Variants in RFTN1 observed in about 807,000 individuals in gnomAD.
RFTN1 encodes the protein raftlin.
In RFTN1, 26 loss-of-function variants were observed where a neutral mutation model predicts 46.5. The observed-to-expected ratio is 0.56, with a 90% CI of 0.41 to 0.78. The LOEUF is 0.78. Among genes scored for constraint, RFTN1 ranks in the 30% least tolerant of loss-of-function variants. The pLI is 0.00. For missense variants in RFTN1, 693 were observed against 718.7 expected, an observed-to-expected ratio of 0.96 and a Z score of 0.41; for synonymous variants, 261 against 284.2, an observed-to-expected ratio of 0.92 and a Z score of 0.82.
Position 16,326,871 on chromosome 3 carries a change from G to C in RFTN1, c.1152C>G (p.Val384=). Residue 384 remains valine (V), a synonymous_variant, in exon 8 of 10, where the codon GTC becomes GTG. Transcript: ENST00000334133. Reference sequence around the variant, plus strand: ...GGGGCACGTAGTCTGTCTGCACTTCGACACCCTGGGGGAACAAGGCCAGCA... The same window carrying C: ...GGGGCACGTAGTCTGTCTGCACTTCCACACCCTGGGGGAACAAGGCCAGCA... ...VVEQWTVLEG[V]EVQTDYVPLL... is the part of the protein sequence containing the mutation. 3 of 1,613,100 alleles carry C rather than the reference G, an allele frequency of 1.9e-6. No homozygotes were observed. The highest frequency in any genetic ancestry group is 2.5e-6 in the Non-Finnish European group (3 of 1,179,632).
At chr3:16,502,247 G>A (rs1474974744) in intron 1 of RFTN1, among the ~76,000 whole-genome samples, 4 of 152,056 alleles carry the variant, frequency 2.6e-5, no homozygotes, top group African/African-American at 9.7e-5. Flanking sequence ...GCAGGTCCCA[G>A]CTACTCGGGA....
At chr3:16,488,669 C>G (rs906378958) in intron 2 of RFTN1, among the ~76,000 whole-genome samples, 12 of 152,242 alleles carry the variant, frequency 7.9e-5, no homozygotes, top group Admixed American at 7.9e-4. Flanking sequence ...ATCTTGCAGT[C>G]TGGCATCACA....
chr3:16,452,546 C>T lies in RFTN1; in HGVS notation c.146-18509G>A, dbSNP rs907198388. 6.6e-6 allele frequency among the ~76,000 whole-genome samples: 1 copy of T among 152,208 alleles called. No individual in the cohort carries two copies. Among genetic ancestry groups the T allele is most frequent in the Non-Finnish European group, 1.5e-5 (1 of 68,028 alleles). ...TGAACGTTTGTTTTCAATGAATTCACTGTGAAAACACAATCAGTTTTGTGT... is the reference window on the plus strand; with the variant it reads ...TGAACGTTTGTTTTCAATGAATTCATTGTGAAAACACAATCAGTTTTGTGT... On this transcript the variant is annotated intron_variant, in intron 2 of 9. Coordinates refer to ENST00000334133, the MANE Select transcript of RFTN1 (RefSeq NM_015150.2). This position sits in a 1 kb window ranked among gnomAD's most constrained non-coding sequence, Gnocchi z 6.3.
In RFTN1 at chr3:16,449,640, C is replaced by G. The variant is rs2075791546; in HGVS notation, c.146-15603G>C. On this transcript the variant is annotated intron_variant, in intron 2 of 9. Coordinates refer to ENST00000334133, the MANE Select transcript of RFTN1 (RefSeq NM_015150.2). This position sits in a 1 kb window ranked among gnomAD's most constrained non-coding sequence, Gnocchi z 5.1. ...CATGTCCACGAGTTGATCCTTAAGT[C>G]TCGGAACCACTCCAGCTCTGCATCA... Among the ~76,000 whole-genome samples the G allele has an allele frequency of 6.6e-6, 1 of 152,196 alleles. No homozygotes were observed. The highest frequency in any genetic ancestry group is 6.5e-5 in the Admixed American group (1 of 15,290).
intron 4 of RFTN1, among the ~76,000 whole-genome samples, chr3:16,389,669 A>G (rs570425084): frequency 6.6e-6 from 1 of 152,262 alleles, no homozygotes; most frequent in South Asian, 2.1e-4. Context: ...AGAATGAACC[A>G]GAAATGAACA....
In RFTN1 at chr3:16,387,590, C is replaced by CTCTCTCTCTT. The variant is rs1053927283; in HGVS notation, c.442-9489_442-9488insAAGAGAGAGA. On this transcript the variant is annotated intron_variant, in intron 4 of 9. Transcript: ENST00000334133. This position sits in a 1 kb window ranked among gnomAD's most constrained non-coding sequence, Gnocchi z 5.2. ...TCAATTTCTCTCTCTCTCTCTCTCT[C>CTCTCTCTCTT]TCTCTCTCTCTCTCTCTCTCTACTG... Among the ~76,000 whole-genome samples the CTCTCTCTCTT allele has an allele frequency of 6.6e-6, 1 of 150,914 alleles. No individual in the cohort carries two copies. Among genetic ancestry groups the CTCTCTCTCTT allele is most frequent in the African/African-American group, 2.5e-5 (1 of 40,578 alleles).
intron 2 of RFTN1, chr3:16,454,871 A>G (rs2075878211): frequency 1.5e-6 from 1 of 655,802 alleles, no homozygotes; most frequent in African/African-American, 2.0e-5. Flanking sequence ...CTAGTCCATA[A>G]CTAGAATTCA....
At position 16,402,666 on chromosome 3, in the gene RFTN1, T is replaced by C. The variant is rs1037316745; in HGVS notation, c.441+6709A>G. The stretch of plus-strand genomic sequence containing the variant: ...CATTTACATAACAGGCAAAATTTCA[T>C]CATCCCGGAGATTTGGGATATTCTG... On this transcript the variant is annotated intron_variant, in intron 4 of 9. Coordinates refer to ENST00000334133, the MANE Select transcript of RFTN1 (RefSeq NM_015150.2). This position sits in a 1 kb window ranked among gnomAD's most constrained non-coding sequence, Gnocchi z 4.5. Among the ~76,000 whole-genome samples the C allele has an allele frequency of 3.0e-4, 45 of 152,152 alleles. No homozygotes were observed. The highest frequency in any genetic ancestry group is 2.9e-5 in the Non-Finnish European group (2 of 68,034).
Position 16,387,039 on chromosome 3 carries a change from G to A in RFTN1, c.442-8937C>T, listed in dbSNP as rs712876. On this transcript the variant is annotated intron_variant, in intron 4 of 9. Coordinates refer to ENST00000334133, the MANE Select transcript of RFTN1 (RefSeq NM_015150.2). The surrounding 1 kb of genome is among the most constrained non-coding windows in gnomAD (Gnocchi z 5.2). ...CTGGGACATATGGTCACCTGGTTCA[G>A]TGTGACCAGCAGTGAAGACCCAGAA... Among the ~76,000 whole-genome samples, 82,831 of 152,100 alleles carry A rather than the reference G, an allele frequency of 0.54. 24,003 individuals are homozygous for A. The highest frequency in any genetic ancestry group is 0.87 in the South Asian group (4,186 of 4,824).
chr3:16,318,720 C>T (rs28361870), intron 9 of RFTN1, among the ~76,000 whole-genome samples: 4,081 of 152,260 alleles, frequency 0.027, 184 homozygotes, highest in African/African-American at 0.093. Flanking sequence ...TAACATTTAT[C>T]TGGTCCTTTC....
At chr3:16,437,316 T>C (rs1314801208) in intron 2 of RFTN1, among the ~76,000 whole-genome samples, 1 of 152,176 alleles carries the variant, frequency 6.6e-6, no homozygotes, top group Non-Finnish European at 1.5e-5. Flanking sequence ...CCTTTGTCCA[T>C]ATATCTTGAA....
intron 3 of RFTN1, among the ~76,000 whole-genome samples, chr3:16,416,813 G>C (rs1344640419): frequency 6.6e-6 from 1 of 152,016 alleles, no homozygotes; most frequent in Non-Finnish European, 1.5e-5. Context: ...TGCTTCCTCT[G>C]GTCAGAAAAA....
intron 7 of RFTN1, among the ~76,000 whole-genome samples, chr3:16,331,111 C>G (rs1293536106): frequency 1.3e-5 from 2 of 152,220 alleles, no homozygotes; most frequent in African/African-American, 4.8e-5. Flanking sequence ...AGAAAAGTGA[C>G]TGGGGACAGT....
Position 16,374,432 on chromosome 3 carries a change from C to T in RFTN1, c.826+3286G>A, listed in dbSNP as rs1212064236. 6.6e-6 allele frequency among the ~76,000 whole-genome samples: 1 copy of T among 152,236 alleles called. No individual in the cohort carries two copies. The highest frequency in any genetic ancestry group is 2.1e-4 in the South Asian group (1 of 4,814). ...GGCCGCATCATGGGGTCCAACTATC[C>T]CAAGGGAGTTGGGAGGGAAGGAGCC... On this transcript the variant is annotated intron_variant, in intron 5 of 9. Transcript: ENST00000334133. This position sits in a 1 kb window ranked among gnomAD's most constrained non-coding sequence, Gnocchi z 5.4.
intron 2 of RFTN1, among the ~76,000 whole-genome samples, chr3:16,435,506 G>T (rs1362699185): frequency 6.6e-6 from 1 of 152,112 alleles, no homozygotes; most frequent in South Asian, 2.1e-4. Context: ...GGAGGCGAAG[G>T]TTGCAGTGAG....
chr3:16,454,704 C>T, intron 2 of RFTN1: 3 of 945,592 alleles, frequency 3.2e-6, no homozygotes, highest in Non-Finnish European at 2.5e-6. Flanking sequence ...CTTCACAACT[C>T]TTTCTAGAAG....
chr3:16,401,214 T>C (rs565150023), intron 4 of RFTN1, among the ~76,000 whole-genome samples: 12 of 152,006 alleles, frequency 7.9e-5, no homozygotes, highest in Non-Finnish European at 1.3e-4. Flanking sequence ...TCCCAGCTAC[T>C]TGGGAGGCTG....
Position 16,507,277 on chromosome 3 carries a change from T to G in RFTN1, c.-9+6165A>C, listed in dbSNP as rs2076823181. Among the ~76,000 whole-genome samples, 1 of 152,206 alleles carries G rather than the reference T, an allele frequency of 6.6e-6. No individual in the cohort carries two copies. Among genetic ancestry groups the G allele is most frequent in the Admixed American group, 6.5e-5 (1 of 15,278 alleles). ...AGACACCTTTTGACCTACTCTGGCCTATAGTCATGATTATGCCACACTGAA... is the reference window on the plus strand; with the variant it reads ...AGACACCTTTTGACCTACTCTGGCCGATAGTCATGATTATGCCACACTGAA... On this transcript the variant is annotated intron_variant, in intron 1 of 9. Transcript: ENST00000334133. This position sits in a 1 kb window ranked among gnomAD's most constrained non-coding sequence, Gnocchi z 7.1.
rs780458659 is a variant in RFTN1 at position 16,494,211 on chromosome 3, T to TA, written c.-8-335dup. 1.2e-4 allele frequency among the ~76,000 whole-genome samples: 18 copies of TA among 152,216 alleles called. No homozygotes were observed. The East Asian group carries it at 2.1e-3, about 18-fold the overall frequency. On this transcript the variant is annotated intron_variant, in intron 1 of 9. Transcript: ENST00000334133. Reference sequence around the variant, plus strand: ...TTCCACTATAATCTGTATCCATGAATAAAAAATGGAATCTAAAAAGCAATA... The same window carrying TA: ...TTCCACTATAATCTGTATCCATGAATAAAAAAATGGAATCTAAAAAGCAATA...
Sources: allele counts gnomAD v4.1 joint callset (sites outside exome capture counted in the v4.1 genomes callset), GRCh38; gene constraint gnomAD v4.1.1; non-coding constraint Gnocchi (gnomAD v3.1); transcripts MANE v1.5; gene names NCBI Gene and HGNC (gene_info 2026-07-23, HGNC 2026-07-21).